CENPE: variants seen among roughly 807,000 people sequenced by gnomAD.
The protein encoded by CENPE is centromere protein E, also known as centromere-associated protein E.
Under a neutral mutation model 336.1 loss-of-function variants are expected in CENPE, and 145 were observed. That is an observed-to-expected ratio of 0.43 (90% confidence interval 0.38 to 0.50). The LOEUF (loss-of-function observed/expected upper bound fraction) is 0.50, where lower values mean the gene tolerates loss of function less well. Ranked by LOEUF, CENPE falls within the 20% of genes least tolerant of loss-of-function variation. The pLI, the probability that CENPE is intolerant of heterozygous loss-of-function variation, is 0.00. For synonymous variants in CENPE, 1,013 were observed against 984.8 expected (o/e 1.03, Z -0.54); for missense variants, 2,719 against 3,023.3 (o/e 0.90, Z 2.36).
At chr4:103,146,255 T>C in intron 29 of CENPE, 148 bp from the exon 30 acceptor site, 1 of 731,906 alleles carries the variant, frequency 1.4e-6, no homozygotes, top group Non-Finnish European at 2.2e-6. Context: ...TCTTCCATTA[T>C]TCAGGCATTT....
chr4:103,148,346 A>G (rs749696845), intron 28 of CENPE, among the ~76,000 whole-genome samples: 1 of 152,092 alleles, frequency 6.6e-6, no homozygotes, highest in Non-Finnish European at 1.5e-5. Context: ...CAATTTTTCT[A>G]TGTGTATAGA....
At chr4:103,169,897 T>A (rs1755249602) in intron 16 of CENPE, among the ~76,000 whole-genome samples, 1 of 152,122 alleles carries the variant, frequency 6.6e-6, no homozygotes, top group Non-Finnish European at 1.5e-5. Context: ...TGCCCCTCAA[T>A]GATAGACTGG....
At chr4:103,125,950 A>G (rs965336041) in intron 42 of CENPE, among the ~76,000 whole-genome samples, 1 of 152,006 alleles carries the variant, frequency 6.6e-6, no homozygotes, top group Non-Finnish European at 1.5e-5. Context: ...GCTTAGATCC[A>G]TCAGAGAAGT....
At position 103,117,502 on chromosome 4, in the gene CENPE, T is replaced by C. The variant is rs769577690; in HGVS notation, c.7330-813A>G. 2.6e-5 allele frequency among the ~76,000 whole-genome samples: 4 copies of C among 152,130 alleles called. No homozygotes were observed. In the South Asian group the frequency reaches 6.2e-4, roughly 24 times the overall value. The stretch of plus-strand genomic sequence containing the variant: ...CCCTGGCAACTGTTTATTTTTTTAC[T>C]GTCTCTGTAGTTTTGTCTTTCTAAA... On this transcript the variant is annotated intron_variant, in intron 44 of 48. Transcript: ENST00000265148.
chr4:103,168,446 G>T (rs565201398), intron 16 of CENPE, among the ~76,000 whole-genome samples: 183 of 152,304 alleles, frequency 1.2e-3, no homozygotes, highest in Non-Finnish European at 2.1e-3. Flanking sequence ...AAAGAACCTT[G>T]AATGTCACAG....
chr4:103,125,797 G>A lies in CENPE; in HGVS notation c.6925-2708C>T, dbSNP rs189377690. On this transcript the variant is annotated intron_variant, in intron 42 of 48. Coordinates refer to ENST00000265148, the MANE Select transcript of CENPE (RefSeq NM_001813.3). ...AGAGAATCGCTTGAACCCAGGAGGC[G>A]GAGGTTGCAGTGAGCCGAGATTGAG... 1.5e-4 allele frequency among the ~76,000 whole-genome samples: 22 copies of A among 150,626 alleles called. No homozygotes were observed. In the East Asian group the frequency reaches 3.7e-3, roughly 25 times the overall value.
At chr4:103,154,587 G>C (rs1225332934) in intron 24 of CENPE, among the ~76,000 whole-genome samples, 1 of 152,088 alleles carries the variant, frequency 6.6e-6, no homozygotes, top group Non-Finnish European at 1.5e-5. Flanking sequence ...TAGTCTGTTA[G>C]ATATTATAAT....
intron 43 of CENPE, among the ~76,000 whole-genome samples, chr4:103,120,796 C>T (rs1298847916): frequency 2.0e-5 from 3 of 151,424 alleles, no homozygotes; most frequent in Admixed American, 6.6e-5. Context: ...AATGCAGTGG[C>T]GCAATCTCGA....
rs985322347 is a variant in CENPE at position 103,141,070 on chromosome 4, A to G, written c.5498T>C (p.Ile1833Thr). The G allele has an allele frequency of 3.7e-5, 59 of 1,579,524 alleles. No individual in the cohort carries two copies. Among genetic ancestry groups the G allele is most frequent in the Non-Finnish European group, 4.9e-5 (57 of 1,160,826 alleles). ...QELKANEHQL[I>T]TLKKDVNETQ... is the part of the protein sequence containing the mutation. ...CTCATTGACATCTTTTTTTAACGTA[A>G]TAAGTTGATGTTCATTTGCCTTAAG... Residue 1833 changes from isoleucine (I) to threonine (T), a missense_variant, in exon 36 of 49, where the codon ATT (isoleucine) becomes ACT (threonine). Around this residue, in one of 5 missense-constraint regions of CENPE, gnomAD observed 2,437 missense variants for 2,513.3 expected, o/e 0.97. Coordinates refer to ENST00000265148, the MANE Select transcript of CENPE (RefSeq NM_001813.3).
At chr4:103,172,252 C>T (rs764019447) in intron 16 of CENPE, among the ~76,000 whole-genome samples, 6 of 151,960 alleles carry the variant, frequency 3.9e-5, no homozygotes, top group Non-Finnish European at 7.4e-5. Flanking sequence ...AAAGATAATT[C>T]ACCATGAACA....
intron 16 of CENPE, among the ~76,000 whole-genome samples, chr4:103,165,027 ACTT>A (rs1320324219): frequency 6.6e-6 from 1 of 152,162 alleles, no homozygotes; most frequent in Non-Finnish European, 1.5e-5. Flanking sequence ...AAATTTTCCT[ACTT>A]CTTATTTGAA....
At chr4:103,120,376 A>G (rs551480493) in intron 43 of CENPE, 43 bp from the exon 44 acceptor site, 1 of 1,478,730 alleles carries the variant, frequency 6.8e-7, no homozygotes, top group East Asian at 2.3e-5. Context: ...TCATCAAGAC[A>G]GAATCACAGT....
chr4:103,188,429 G>T (rs370262562), intron 8 of CENPE, among the ~76,000 whole-genome samples: 1 of 151,922 alleles, frequency 6.6e-6, no homozygotes, highest in African/African-American at 2.4e-5. Flanking sequence ...GAACAGAAAT[G>T]ATAACAAACT....
intron 11 of CENPE, 63 bp downstream of exon 11, chr4:103,182,699 G>A (rs1414505968): frequency 7.4e-7 from 1 of 1,359,384 alleles, no homozygotes. Flanking sequence ...ATTTTAGTAG[G>A]TAATGTTTTC....
chr4:103,123,034 T>A lies in CENPE; in HGVS notation c.6980A>T (p.Glu2327Val). 1 of 1,613,960 alleles carries A rather than the reference T, an allele frequency of 6.2e-7. No individual in the cohort carries two copies. The highest frequency in any genetic ancestry group is 8.5e-7 in the Non-Finnish European group (1 of 1,179,918). ...CAGTGATTTCAGGTCCTGTTCCCAC[T>A]CTTTGGATATGGTAGCACTTCTTTC... ...FEERSATISK[E>V]WEQDLKSLKE... is the part of the protein sequence containing the mutation. The change falls in exon 43 of 49, where the codon GAG becomes GTG. Residue 2327 changes from glutamate to valine, a missense_variant. Coordinates refer to ENST00000265148, the MANE Select transcript of CENPE (RefSeq NM_001813.3).
At chr4:103,178,903 T>C (rs1560666719) in intron 13 of CENPE, among the ~76,000 whole-genome samples, 1 of 152,228 alleles carries the variant, frequency 6.6e-6, no homozygotes, top group East Asian at 1.9e-4. Context: ...CAAACTTTAA[T>C]TTGGATCTGT....
chr4:103,160,724 T>C lies in CENPE; in HGVS notation c.2187A>G (p.Leu729=). ...EGKITDLQKE[L]NKEVEENEAL... Reference sequence around the variant, plus strand: ...CTTCATTTTCTTCAACTTCTTTATTTAGTTCTTTCTGAAGATCAGTAATCT... The same window carrying C: ...CTTCATTTTCTTCAACTTCTTTATTCAGTTCTTTCTGAAGATCAGTAATCT... The change falls in exon 21 of 49, where the codon CTA becomes CTG. Residue 729 remains leucine (L), a synonymous_variant. Transcript: ENST00000265148. 6.2e-7 allele frequency: 1 copy of C among 1,609,304 alleles called. No homozygotes were observed. Among genetic ancestry groups the C allele is most frequent in the Non-Finnish European group, 8.5e-7 (1 of 1,177,458 alleles).
At chr4:103,123,343 T>C (rs1053279116) in intron 42 of CENPE, among the ~76,000 whole-genome samples, 3 of 152,150 alleles carry the variant, frequency 2.0e-5, no homozygotes, top group Non-Finnish European at 4.4e-5. Context: ...CATACACTAC[T>C]TGTTCACTTG....
At chr4:103,115,139 C>CTT (rs530965743) in intron 45 of CENPE, among the ~76,000 whole-genome samples, 3 of 146,062 alleles carry the variant, frequency 2.1e-5, no homozygotes, top group African/African-American at 5.0e-5. Context: ...CTTTTCTTTT[C>CTT]TTTTTTTTTT....
Sources: gnomAD v4.1 joint callset for allele counts (sites outside exome capture counted in the v4.1 genomes callset) on GRCh38, gnomAD v4.1.1 for gene constraint, gnomAD v4.1.1 regional missense constraint, MANE v1.5 for transcripts, NCBI Gene and HGNC (gene_info 2026-07-23, HGNC 2026-07-21) for gene names.